GRIK2: variants seen among roughly 807,000 people sequenced by gnomAD.
GRIK2 encodes the protein glutamate ionotropic receptor kainate type subunit 2.
A neutral mutation model predicts 100.3 loss-of-function variants in GRIK2; 32 were observed. The ratio of observed to expected loss-of-function variants is 0.32; its 90% CI spans 0.24 to 0.43. The LOEUF (loss-of-function observed/expected upper bound fraction) is 0.43, where lower values mean the gene tolerates loss of function less well. GRIK2 is among the 20% of genes least tolerant of loss of function. GRIK2 has a pLI of 1.00. For missense variants in GRIK2, 843 were observed against 1,114.9 expected (o/e 0.76, Z 3.47); for synonymous variants, 417 against 389.4 (o/e 1.07, Z -0.83).
In GRIK2 at chr6:101,654,070, G is replaced by A. The variant is rs577909574; in HGVS notation, c.542-22553G>A. Reference sequence around the variant, plus strand: ...ATCATCCTGGTATTCTTTGTACCTAGGATAGCATCTACTTCACAGTAGCTG... The same window carrying A: ...ATCATCCTGGTATTCTTTGTACCTAAGATAGCATCTACTTCACAGTAGCTG... On this transcript the variant is annotated intron_variant, in intron 4 of 16. Coordinates refer to ENST00000369134, the MANE Select transcript of GRIK2 (RefSeq NM_021956.5). 2.6e-5 allele frequency among the ~76,000 whole-genome samples: 4 copies of A among 152,232 alleles called. 1 individual carries two copies. The East Asian group carries it at 5.8e-4, about 22-fold the overall frequency.
intron 7 of GRIK2, among the ~76,000 whole-genome samples, chr6:101,797,739 G>T (rs1421369800): frequency 1.4e-5 from 2 of 142,864 alleles, no homozygotes; most frequent in Non-Finnish European, 1.5e-5. Flanking sequence ...TAAAATAATG[G>T]TTATATATTA....
At chr6:101,394,757 G>A (rs987217861) in intron 1 of GRIK2, among the ~76,000 whole-genome samples, 9 of 152,094 alleles carry the variant, frequency 5.9e-5, no homozygotes, top group Non-Finnish European at 1.0e-4. Context: ...TAACTTTATA[G>A]AGTCTATTCC....
At chr6:101,797,039 A>T (rs556209516) in intron 7 of GRIK2, among the ~76,000 whole-genome samples, 1 of 152,242 alleles carries the variant, frequency 6.6e-6, no homozygotes, top group Admixed American at 6.5e-5. Flanking sequence ...TTACTACTCT[A>T]GGATTTTTAT....
At chr6:101,682,737 A>C (rs1378195356) in intron 6 of GRIK2, 131 bp downstream of exon 6, 1 of 498,600 alleles carries the variant, frequency 2.0e-6, no homozygotes, top group Non-Finnish European at 3.6e-6. Flanking sequence ...ATAAGACTCC[A>C]CCAAAATTAT....
chr6:102,010,448 A>G (rs1795472684), intron 14 of GRIK2, among the ~76,000 whole-genome samples: 1 of 150,940 alleles, frequency 6.6e-6, no homozygotes, highest in South Asian at 2.1e-4. Flanking sequence ...CAATGGTGCA[A>G]TCTAGGCTCA....
At chr6:101,534,003 G>GA (rs1285202615) in intron 2 of GRIK2, among the ~76,000 whole-genome samples, 2 of 151,866 alleles carry the variant, frequency 1.3e-5, no homozygotes, top group Admixed American at 6.6e-5. Flanking sequence ...ACATTAAGGG[G>GA]AAAAAATACA....
chr6:102,053,091 A>AACAACAAC (rs1554197943), intron 15 of GRIK2, among the ~76,000 whole-genome samples: 3 of 149,268 alleles, frequency 2.0e-5, no homozygotes, highest in Non-Finnish European at 4.5e-5. Context: ...CAACAACAAC[A>AACAACAAC]ACACACACAC....
At chr6:101,739,880 G>A (rs1050753991) in intron 7 of GRIK2, among the ~76,000 whole-genome samples, 1 of 152,082 alleles carries the variant, frequency 6.6e-6, no homozygotes, top group Non-Finnish European at 1.5e-5. Flanking sequence ...AAAGTATAAG[G>A]AGGCTGTTAA....
intron 10 of GRIK2, among the ~76,000 whole-genome samples, chr6:101,836,467 T>A (rs939846483): frequency 1.5e-5 from 2 of 134,912 alleles, no homozygotes; most frequent in Non-Finnish European, 3.0e-5. Context: ...ATTGATTACA[T>A]GTTGAAATGA....
intron 11 of GRIK2, among the ~76,000 whole-genome samples, chr6:101,861,163 T>C (rs577699158): frequency 1.3e-5 from 2 of 152,288 alleles, no homozygotes; most frequent in African/African-American, 4.8e-5. Context: ...TTTTAATAAT[T>C]AGGAATGATA....
intron 2 of GRIK2, among the ~76,000 whole-genome samples, chr6:101,503,288 T>C (rs1773859639): frequency 6.6e-6 from 1 of 152,096 alleles, no homozygotes; most frequent in East Asian, 1.9e-4. Context: ...TATAAATAAA[T>C]TGATGAGCAG....
intron 14 of GRIK2, among the ~76,000 whole-genome samples, chr6:101,992,814 A>G (rs923857905): frequency 6.6e-6 from 1 of 151,636 alleles, no homozygotes; most frequent in African/African-American, 2.4e-5. Flanking sequence ...ATAAACTTAT[A>G]AAACTTGCTT....
chr6:101,554,526 C>T (rs116218118), intron 2 of GRIK2, among the ~76,000 whole-genome samples: 2,608 of 152,208 alleles, frequency 0.017, 90 homozygotes, highest in African/African-American at 0.06. Context: ...ACTCAAATCC[C>T]TTCTCCTAAT....
At position 101,719,138 on chromosome 6, in the gene GRIK2, GTTTTTTTTTTTTTTTTTTTTTTTT is replaced by G. The variant is rs60301711; in HGVS notation, c.951+32800_951+32823del. Among the ~76,000 whole-genome samples the G allele has an allele frequency of 7.9e-5, 8 of 101,168 alleles. 1 individual carries two copies. Among genetic ancestry groups the G allele is most frequent in the African/African-American group, 1.5e-4 (3 of 20,102 alleles). The allele number at this position is 101,168 out of a possible 152,430, so 66.4% of individuals were successfully genotyped here. ...CTGAAATGTGCAACAGGCTGCAAGG[GTTTTTTTTTTTTTTTTTTTTTTTT>G]TTTTTTTTTTTTTTGATGAATACAT... On this transcript the variant is annotated intron_variant, in intron 7 of 16. Transcript: ENST00000369134.
intron 14 of GRIK2, among the ~76,000 whole-genome samples, chr6:101,933,606 A>T (rs544184335): frequency 1.8e-4 from 28 of 152,060 alleles, no homozygotes; most frequent in African/African-American, 6.7e-4. Flanking sequence ...ATTATCTGCT[A>T]TGTGTGCCCT....
chr6:101,421,829 C>T (rs968961948), intron 2 of GRIK2, among the ~76,000 whole-genome samples: 6 of 152,148 alleles, frequency 3.9e-5, no homozygotes, highest in Non-Finnish European at 5.9e-5. Context: ...TTTAAGCAAT[C>T]TCAAGTACGT....
Position 101,692,676 on chromosome 6 carries a change from A to G in GRIK2, c.951+6323A>G, listed in dbSNP as rs559134307. 2.0e-5 allele frequency among the ~76,000 whole-genome samples: 3 copies of G among 152,186 alleles called. No individual in the cohort carries two copies. The South Asian group carries it at 6.2e-4, about 32-fold the overall frequency. The stretch of plus-strand genomic sequence containing the variant: ...GTAATCATTTATGATAGCAAGAGAC[A>G]CACATATATTTACCAAGAATTTAAC... On this transcript the variant is annotated intron_variant, in intron 7 of 16. Transcript: ENST00000369134.
chr6:101,805,121 T>C (rs549143621), intron 9 of GRIK2, among the ~76,000 whole-genome samples: 1 of 152,008 alleles, frequency 6.6e-6, no homozygotes, highest in Admixed American at 6.6e-5. Flanking sequence ...ACTTGACTTT[T>C]TTTCTGCCTA....
chr6:101,977,994 A>G (rs984530860), intron 14 of GRIK2, among the ~76,000 whole-genome samples: 5 of 151,986 alleles, frequency 3.3e-5, no homozygotes, highest in African/African-American at 1.2e-4. Flanking sequence ...CTTGTAGAAG[A>G]AAAAAAGTGG....
Sources: allele counts gnomAD v4.1 joint callset (sites outside exome capture counted in the v4.1 genomes callset), GRCh38; gene constraint gnomAD v4.1.1; transcripts MANE v1.5; gene names NCBI Gene and HGNC (gene_info 2026-07-23, HGNC 2026-07-21).